TTYH1: variants seen among roughly 807,000 people sequenced by gnomAD.
TTYH1 encodes the protein protein tweety homolog 1.
Under a neutral mutation model 61.2 loss-of-function variants are expected in TTYH1, and 33 were observed. The observed-to-expected ratio is 0.54, with a 90% CI of 0.41 to 0.72. TTYH1 has a LOEUF of 0.72. Among genes scored for constraint, TTYH1 ranks in the 30% least tolerant of loss-of-function variants. The probability of loss-of-function intolerance (pLI) is 0.00; values close to 1 mark genes in which losing one functional copy is unlikely to be tolerated. For synonymous variants in TTYH1, 308 were observed against 266.4 expected, an observed-to-expected ratio of 1.16 and a Z score of -1.52; for missense variants, 538 against 575.8, an observed-to-expected ratio of 0.93 and a Z score of 0.67.
rs949823824 is a variant in TTYH1, at chr19:54,419,111, G to T, written c.127-17G>T. On this transcript the variant is annotated splice_polypyrimidine_tract_variant and intron_variant, in intron 1 of 13. Coordinates refer to ENST00000376530, the MANE Select transcript of TTYH1 (RefSeq NM_020659.4). The surrounding 1 kb of genome is among the most constrained non-coding windows in gnomAD (Gnocchi z 6.1). ...ACACGGGTGCCCTCGGAGGTCTGAT[G>T]TCACCCCCTTCCCCAGGCCTTGTTG... is the stretch of plus-strand genomic sequence containing the variant. 3.1e-6 allele frequency: 5 copies of T among 1,602,414 alleles called. No homozygotes were observed. Among genetic ancestry groups the T allele is most frequent in the Admixed American group, 3.4e-5 (2 of 58,752 alleles).
rs2083505107 is a variant in TTYH1 at position 54,434,730 on chromosome 19, G to A, written c.1126-812G>A. 1 of 152,338 alleles carries A rather than the reference G, an allele frequency of 6.6e-6. No homozygotes were observed. The highest frequency in any genetic ancestry group is 6.5e-5 in the Admixed American group (1 of 15,282). The allele number at this position is 152,338 out of a possible 1,614,324, so 9.4% of individuals were successfully genotyped here. ...CAGAGCCAGCATTTGTTGGCATGTT[G>A]AGTGTGTATTGTGTGCGCGGTGTCA... On this transcript the variant is annotated intron_variant, in intron 10 of 13. Transcript: ENST00000376530. This position sits in a 1 kb window ranked among gnomAD's most constrained non-coding sequence, Gnocchi z 4.3.
intron 4 of TTYH1, among the ~76,000 whole-genome samples, chr19:54,424,236 G>C (rs1910188356): frequency 1.3e-5 from 2 of 152,180 alleles, no homozygotes; most frequent in South Asian, 4.1e-4. Context: ...GACTGAGAAG[G>C]TGGCATTTGG....
rs1312201487 is a variant in TTYH1, at chr19:54,429,247, G to GGAAA, written c.735-57_735-54dup. 1.3e-6 allele frequency: 2 copies of GGAAA among 1,522,856 alleles called. No individual in the cohort carries two copies. The highest frequency in any genetic ancestry group is 4.5e-5 in the East Asian group (2 of 44,474). The allele number at this position is 1,522,856 out of a possible 1,614,324, so 94.3% of individuals were successfully genotyped here. ...GCGGCTGTGATGGGATTTGGGGTGT[G>GGAAA]GAAAGAGGCTAGGCTAGGAGATTAA... On this transcript the variant is annotated intron_variant, in intron 5 of 13. Coordinates refer to ENST00000376530, the MANE Select transcript of TTYH1 (RefSeq NM_020659.4). The surrounding 1 kb of genome is among the most constrained non-coding windows in gnomAD (Gnocchi z 5.1).
intron 5 of TTYH1, 61 bp downstream of exon 5, chr19:54,426,829 T>C: frequency 6.9e-7 from 1 of 1,459,284 alleles, no homozygotes; most frequent in Non-Finnish European, 9.5e-7. Flanking sequence ...AGGCAGGACC[T>C]CAGTCTTACA....
At position 54,429,263 on chromosome 19, in the gene TTYH1, A is replaced by C; in HGVS notation, c.735-44A>C. 62 of 1,569,744 alleles carry C rather than the reference A, an allele frequency of 3.9e-5. No homozygotes were observed. The highest frequency in any genetic ancestry group is 1.7e-4 in the Middle Eastern group (1 of 5,962). On this transcript the variant is annotated intron_variant, in intron 5 of 13. Coordinates refer to ENST00000376530, the MANE Select transcript of TTYH1 (RefSeq NM_020659.4). The surrounding 1 kb of genome is among the most constrained non-coding windows in gnomAD (Gnocchi z 5.1). ...TTGGGGTGTGGAAAGAGGCTAGGCT[A>C]GGAGATTAAGAACCCCGGGCTGATC...
In TTYH1 at chr19:54,436,290, C is replaced by T. The variant is rs2083551180; in HGVS notation, c.*43-43C>T. 1 of 1,613,076 alleles carries T rather than the reference C, an allele frequency of 6.2e-7. No individual in the cohort carries two copies. Among genetic ancestry groups the T allele is most frequent in the East Asian group, 2.2e-5 (1 of 44,882 alleles). On this transcript the variant is annotated intron_variant, in intron 13 of 13. Coordinates refer to ENST00000376530, the MANE Select transcript of TTYH1 (RefSeq NM_020659.4). This position sits in a 1 kb window ranked among gnomAD's most constrained non-coding sequence, Gnocchi z 4.3. ...GCTGGGTGGATCGCACCGGGCAGGC[C>T]CTCCAGCCTGCATCACTGCCCTGTC...
At position 54,436,258 on chromosome 19, in the gene TTYH1, G is replaced by A; in HGVS notation, c.*43-75G>A. 8 of 1,608,556 alleles carry A rather than the reference G, an allele frequency of 5.0e-6. No homozygotes were observed. Among genetic ancestry groups the A allele is most frequent in the Non-Finnish European group, 4.3e-6 (5 of 1,175,412 alleles). Reference sequence around the variant, plus strand: ...GAGCTGCTCCAGGCATGGGCTGCGTGCCTCCTGCTGGGTGGATCGCACCGG... The same window carrying A: ...GAGCTGCTCCAGGCATGGGCTGCGTACCTCCTGCTGGGTGGATCGCACCGG... On this transcript the variant is annotated intron_variant, in intron 13 of 13. Transcript: ENST00000376530. This position sits in a 1 kb window ranked among gnomAD's most constrained non-coding sequence, Gnocchi z 4.3.
intron 10 of TTYH1, chr19:54,431,804 T>C (rs2083450648): frequency 6.5e-6 from 1 of 152,838 alleles, no homozygotes; most frequent in South Asian, 2.0e-4. Flanking sequence ...TGCACGGCCA[T>C]AGGCAGGTGA....
Position 54,435,865 on chromosome 19 carries a change from A to G in TTYH1, c.1306A>G (p.Asn436Asp). The G allele has an allele frequency of 6.2e-7, 1 of 1,610,504 alleles. No homozygotes were observed. The change falls in exon 12 of 14, where the codon AAC becomes GAC. Residue 436 changes from asparagine to aspartate, a missense_variant. Asn to Asp is a conservative substitution (Grantham distance 23, BLOSUM62 1). Coordinates refer to ENST00000376530, the MANE Select transcript of TTYH1 (RefSeq NM_020659.4). ...YDDTDDDDPFNPQESKRFVQW... is the reference protein window; with the variant it reads ...YDDTDDDDPFDPQESKRFVQW... ...TGACACAGACGATGACGACCCTTTC[A>G]ACCCTCAGGTACTGGATGCCTGGGT...
At position 54,431,094 on chromosome 19, in the gene TTYH1, C is replaced by A; in HGVS notation, c.1033-5C>A. On this transcript the variant is annotated splice_polypyrimidine_tract_variant and splice_region_variant and intron_variant, in intron 9 of 13. Transcript: ENST00000376530. Reference sequence around the variant, plus strand: ...GTGGGAAAACGACCCCTCCTCGCCCCGCAGAAGCCTCTGCTGTCCTTGGAG... The same window carrying A: ...GTGGGAAAACGACCCCTCCTCGCCCAGCAGAAGCCTCTGCTGTCCTTGGAG... 1 of 1,610,966 alleles carries A rather than the reference C, an allele frequency of 6.2e-7. No individual in the cohort carries two copies. The highest frequency in any genetic ancestry group is 8.5e-7 in the Non-Finnish European group (1 of 1,177,178).
rs1599877488 is a variant in TTYH1, at chr19:54,415,766, C to T, written c.126+88C>T. 7.6e-7 allele frequency: 1 copy of T among 1,319,362 alleles called. No homozygotes were observed. The highest frequency in any genetic ancestry group is 9.9e-7 in the Non-Finnish European group (1 of 1,007,768). The allele number at this position is 1,319,362 out of a possible 1,614,324, so 81.7% of individuals were successfully genotyped here. A position where few individuals can be genotyped will look rare whatever the true frequency, so the allele number is the denominator to read the frequency against. On this transcript the variant is annotated intron_variant, in intron 1 of 13. Transcript: ENST00000376530. This position sits in a 1 kb window ranked among gnomAD's most constrained non-coding sequence, Gnocchi z 5.2. Reference sequence around the variant, plus strand: ...GAGAAGGGGGCTGGGTCACAGATTTCCTGAGCTCCGCCGGAGGCTGGGGGC... The same window carrying T: ...GAGAAGGGGGCTGGGTCACAGATTTTCTGAGCTCCGCCGGAGGCTGGGGGC...
chr19:54,424,388 G>A lies in TTYH1; in HGVS notation c.638+1978G>A, dbSNP rs367893034. On this transcript the variant is annotated intron_variant, in intron 4 of 13. Transcript: ENST00000376530. The stretch of plus-strand genomic sequence containing the variant: ...CCGACGTCAGCTGGAGGCCCTGCCC[G>A]CGGGGCATGCGCTGAGATTTGGGAG... Among the ~76,000 whole-genome samples the A allele has an allele frequency of 1.4e-3, 206 of 152,342 alleles. 9 individuals are homozygous for A. The South Asian group carries it at 0.041, about 30-fold the overall frequency.
In TTYH1 at chr19:54,436,349, CGGA is replaced by C. The variant is rs769286037; in HGVS notation, c.*64_*66del. 2 of 1,614,170 alleles carry C rather than the reference CGGA, an allele frequency of 1.2e-6. No individual in the cohort carries two copies. Among genetic ancestry groups the C allele is most frequent in the Non-Finnish European group, 1.7e-6 (2 of 1,180,014 alleles). Reference sequence around the variant, plus strand: ...TCTCCGCAGTTCCTTCCCTGGCTGCCGGAGGAGACCCCACTAACCCAGCCTGCC... The same window carrying C: ...TCTCCGCAGTTCCTTCCCTGGCTGCCGGAGACCCCACTAACCCAGCCTGCC... On this transcript the variant is annotated 3_prime_UTR_variant, in exon 14 of 14. Coordinates refer to ENST00000376530, the MANE Select transcript of TTYH1 (RefSeq NM_020659.4). This position sits in a 1 kb window ranked among gnomAD's most constrained non-coding sequence, Gnocchi z 4.3.
intron 7 of TTYH1, among the ~76,000 whole-genome samples, 194 bp downstream of exon 7, chr19:54,430,151 G>A (rs920908329): frequency 1.7e-4 from 26 of 152,272 alleles, no homozygotes; most frequent in African/African-American, 5.8e-4. Flanking sequence ...CCCGCCACCC[G>A]CCAGACCCTC....
Position 54,415,970 on chromosome 19 carries a change from T to G in TTYH1, c.126+292T>G. ...AGGGGGGCCCGGATTCCCGGGTGTC[T>G]GATACCTGCCTGGGAAGCCGGCCTC... is the stretch of plus-strand genomic sequence containing the variant. On this transcript the variant is annotated intron_variant, in intron 1 of 13. Coordinates refer to ENST00000376530, the MANE Select transcript of TTYH1 (RefSeq NM_020659.4). The surrounding 1 kb of genome is among the most constrained non-coding windows in gnomAD (Gnocchi z 5.2). 1.6e-6 allele frequency: 2 copies of G among 1,245,618 alleles called. No individual in the cohort carries two copies. The highest frequency in any genetic ancestry group is 2.2e-6 in the Non-Finnish European group (2 of 919,522). 77.2% of individuals were successfully genotyped at this position (1,245,618 alleles called of 1,614,324 possible). A position where few individuals can be genotyped will look rare whatever the true frequency, so the allele number is the denominator to read the frequency against.
rs140132018 is a variant in TTYH1 at position 54,425,861 on chromosome 19, G to A, written c.639-812G>A. Among the ~76,000 whole-genome samples, 17 of 152,104 alleles carry A rather than the reference G, an allele frequency of 1.1e-4. No individual in the cohort carries two copies. The East Asian group carries it at 2.9e-3, about 26-fold the overall frequency. On this transcript the variant is annotated intron_variant, in intron 4 of 13. Coordinates refer to ENST00000376530, the MANE Select transcript of TTYH1 (RefSeq NM_020659.4). ...CTCCCAAGTAGCTGGGATTACAGGCGTGCACCACCACGCCCGGCTAATTGT... is the reference window on the plus strand; with the variant it reads ...CTCCCAAGTAGCTGGGATTACAGGCATGCACCACCACGCCCGGCTAATTGT...
chr19:54,430,432 G>C (rs999385711), intron 7 of TTYH1, 118 bp from the exon 8 acceptor site: 2 of 1,105,094 alleles, frequency 1.8e-6, no homozygotes, highest in African/African-American at 3.1e-5. Flanking sequence ...AGGCCATCGG[G>C]CTCCAGGGCT....
chr19:54,428,276 A>C (rs2083370288), intron 5 of TTYH1, among the ~76,000 whole-genome samples: 1 of 151,502 alleles, frequency 6.6e-6, no homozygotes, highest in Non-Finnish European at 1.5e-5. Context: ...TTTAGTAGAG[A>C]TGGGGTTTCT....
chr19:54,436,308 G>A lies in TTYH1; in HGVS notation c.*43-25G>A, dbSNP rs780045418. 1 of 1,614,060 alleles carries A rather than the reference G, an allele frequency of 6.2e-7. No individual in the cohort carries two copies. Among genetic ancestry groups the A allele is most frequent in the Non-Finnish European group, 8.5e-7 (1 of 1,180,008 alleles). The stretch of plus-strand genomic sequence containing the variant: ...GGCAGGCCCTCCAGCCTGCATCACT[G>A]CCCTGTCTCTCCCTCTCTCCGCAGT... On this transcript the variant is annotated intron_variant, in intron 13 of 13. Transcript: ENST00000376530. The surrounding 1 kb of genome is among the most constrained non-coding windows in gnomAD (Gnocchi z 4.3).
Sources: allele counts gnomAD v4.1 joint callset (sites outside exome capture counted in the v4.1 genomes callset), GRCh38; gene constraint gnomAD v4.1.1; non-coding constraint Gnocchi (gnomAD v3.1); transcripts MANE v1.5; gene names NCBI Gene and HGNC (gene_info 2026-07-23, HGNC 2026-07-21).